The following TYR variants were observed in gnomAD, a reference collection of about 807,000 sequenced individuals.
The protein encoded by TYR is LB24-AB.
A neutral mutation model predicts 51.5 loss-of-function variants in TYR; 58 were observed. The observed-to-expected ratio is 1.13, with a 90% CI of 0.91 to 1.40. The LOEUF (loss-of-function observed/expected upper bound fraction) is 1.40. Among genes scored for constraint, TYR ranks in the 40% most tolerant of loss-of-function variants. The pLI is 0.00. For synonymous variants in TYR, 263 were observed against 235.2 expected, an observed-to-expected ratio of 1.12 and a Z score of -1.08; for missense variants, 732 against 647.4, an observed-to-expected ratio of 1.13 and a Z score of -1.42.
intron 3 of TYR, among the ~76,000 whole-genome samples, chr11:89,238,960 A>C (rs1944157279): frequency 2.0e-5 from 3 of 152,100 alleles, no homozygotes; most frequent in African/African-American, 7.2e-5. Flanking sequence ...CCTTCTGTTG[A>C]ATTCACTGTC....
intron 2 of TYR, among the ~76,000 whole-genome samples, chr11:89,216,012 G>C (rs937212077): frequency 6.6e-6 from 1 of 151,912 alleles, no homozygotes; most frequent in Admixed American, 6.6e-5. Context: ...CTAGGATTTT[G>C]GTATCTTTAA....
chr11:89,205,685 T>C (rs1837405910), intron 2 of TYR, among the ~76,000 whole-genome samples: 1 of 151,764 alleles, frequency 6.6e-6, no homozygotes, highest in Admixed American at 6.6e-5. Flanking sequence ...TCAGATGAAG[T>C]AAAATGAAAA....
chr11:89,242,722 T>G (rs1231787964), intron 3 of TYR, among the ~76,000 whole-genome samples: 1 of 152,172 alleles, frequency 6.6e-6, no homozygotes, highest in Non-Finnish European at 1.5e-5. Flanking sequence ...TTAATTAGTA[T>G]CCCTGGGAGT....
chr11:89,190,036 C>T (rs1754585126), intron 1 of TYR, among the ~76,000 whole-genome samples: 2 of 152,070 alleles, frequency 1.3e-5, no homozygotes, highest in African/African-American at 2.4e-5. Flanking sequence ...TGGTGTAAAC[C>T]TACTGAAATC....
chr11:89,219,540 C>T (rs558858156), intron 2 of TYR, among the ~76,000 whole-genome samples: 1 of 152,166 alleles, frequency 6.6e-6, no homozygotes, highest in Admixed American at 6.6e-5. Flanking sequence ...CCACCTGTCT[C>T]GGCCTCCCAA....
chr11:89,220,842 CAGCCT>C (rs1407702950), intron 2 of TYR, among the ~76,000 whole-genome samples: 2 of 152,124 alleles, frequency 1.3e-5, no homozygotes, highest in Non-Finnish European at 2.9e-5. Flanking sequence ...TAAGGAAATG[CAGCCT>C]AGCACCTACC....
intron 3 of TYR, among the ~76,000 whole-genome samples, chr11:89,247,290 C>A (rs182212020): frequency 0.01 from 1,571 of 152,248 alleles, 14 homozygotes; most frequent in Non-Finnish European, 0.014. Context: ...CAGAACCTAG[C>A]ACATAGGAGA....
intron 3 of TYR, among the ~76,000 whole-genome samples, chr11:89,282,517 T>C (rs1193869889): frequency 1.3e-5 from 2 of 151,810 alleles, no homozygotes; most frequent in Admixed American, 1.3e-4. Flanking sequence ...CATAGAGCAA[T>C]TACAGGTGAT....
At chr11:89,198,580 A>G (rs1375615315) in intron 2 of TYR, among the ~76,000 whole-genome samples, 1 of 152,118 alleles carries the variant, frequency 6.6e-6, no homozygotes, top group African/African-American at 2.4e-5. Context: ...CCAGACATTA[A>G]TACTCCTCAC....
intron 2 of TYR, among the ~76,000 whole-genome samples, chr11:89,206,410 A>G (rs1208589974): frequency 2.0e-5 from 3 of 152,176 alleles, no homozygotes; most frequent in Non-Finnish European, 4.4e-5. Flanking sequence ...GGCACATTTT[A>G]TCAAGATTAA....
intron 3 of TYR, among the ~76,000 whole-genome samples, chr11:89,235,533 C>T (rs905236003): frequency 6.6e-6 from 1 of 151,958 alleles, no homozygotes; most frequent in African/African-American, 2.4e-5. Context: ...ATAGACAAAC[C>T]TGGAGGACAT....
At chr11:89,263,899 A>G (rs191227191) in intron 3 of TYR, among the ~76,000 whole-genome samples, 3 of 152,212 alleles carry the variant, frequency 2.0e-5, no homozygotes, top group Non-Finnish European at 2.9e-5. Context: ...CTTAACTATC[A>G]TTAACATGAC....
intron 4 of TYR, among the ~76,000 whole-genome samples, chr11:89,291,110 T>C (rs2135329204): frequency 6.6e-6 from 1 of 152,044 alleles, no homozygotes; most frequent in East Asian, 1.9e-4. Flanking sequence ...AAACAAATCT[T>C]TCCTTCCCAT....
At chr11:89,264,452 T>C (rs1944500242) in intron 3 of TYR, among the ~76,000 whole-genome samples, 1 of 151,942 alleles carries the variant, frequency 6.6e-6, no homozygotes, top group Admixed American at 6.6e-5. Flanking sequence ...TGGGAGTTTG[T>C]TGTACACTGT....
intron 4 of TYR, among the ~76,000 whole-genome samples, chr11:89,288,756 A>T (rs1052745533): frequency 6.6e-6 from 1 of 151,956 alleles, no homozygotes; most frequent in African/African-American, 2.4e-5. Context: ...AGCAAAACAA[A>T]ACAGCTAAAC....
chr11:89,271,088 C>T (rs992413955), intron 3 of TYR, among the ~76,000 whole-genome samples: 2 of 151,726 alleles, frequency 1.3e-5, no homozygotes, highest in African/African-American at 4.8e-5. Flanking sequence ...GTTTAAAGAA[C>T]CCCTATGGAA....
In TYR at chr11:89,197,603, A is replaced by G. The variant is rs77206623; in HGVS notation, c.1036+6185A>G. 2.9e-4 allele frequency among the ~76,000 whole-genome samples: 44 copies of G among 152,266 alleles called. No homozygotes were observed. The East Asian group carries it at 6.4e-3, about 22-fold the overall frequency. The stretch of plus-strand genomic sequence containing the variant: ...CCTATACTTCAAAAGATATGATGTT[A>G]GTGGCATTAGTAGAATGCAGAAAGA... On this transcript the variant is annotated intron_variant, in intron 2 of 4. Coordinates refer to ENST00000263321, the MANE Select transcript of TYR (RefSeq NM_000372.5).
At chr11:89,279,690 C>A (rs966866551) in intron 3 of TYR, among the ~76,000 whole-genome samples, 1 of 151,784 alleles carries the variant, frequency 6.6e-6, no homozygotes, top group African/African-American at 2.4e-5. Flanking sequence ...AATTATCACA[C>A]CTCTATCACC....
At chr11:89,291,573 C>T (rs1944853686) in intron 4 of TYR, among the ~76,000 whole-genome samples, 1 of 151,734 alleles carries the variant, frequency 6.6e-6, no homozygotes, top group East Asian at 1.9e-4. Context: ...GTTTTAGTCT[C>T]CTGTGTACTT....
Sources: gnomAD v4.1 joint callset for allele counts (sites outside exome capture counted in the v4.1 genomes callset) on GRCh38, gnomAD v4.1.1 for gene constraint, MANE v1.5 for transcripts, NCBI Gene and HGNC (gene_info 2026-07-23, HGNC 2026-07-21) for gene names.